The following ATP8A2 variants were observed in gnomAD, a reference collection of about 807,000 sequenced individuals.
ATP8A2 encodes ATPase phospholipid transporting 8A2.
Under a neutral mutation model 165.6 loss-of-function variants are expected in ATP8A2, and 100 were observed. The ratio of observed to expected loss-of-function variants is 0.60; its 90% confidence interval spans 0.51 to 0.71. The LOEUF is 0.71. Among genes scored for constraint, ATP8A2 ranks in the 30% least tolerant of loss-of-function variants. The pLI, the probability that ATP8A2 is intolerant of heterozygous loss-of-function variation, is 0.00. For missense variants in ATP8A2, 1,227 were observed against 1,479.5 expected, an observed-to-expected ratio of 0.83 and a Z score of 2.80; for synonymous variants, 543 against 548.8, an observed-to-expected ratio of 0.99 and a Z score of 0.15.
At position 25,699,351 on chromosome 13, in the gene ATP8A2, A is replaced by G; in HGVS notation, c.2384+6A>G. 1.2e-6 allele frequency: 2 copies of G among 1,604,158 alleles called. No homozygotes were observed. The highest frequency in any genetic ancestry group is 1.7e-6 in the Non-Finnish European group (2 of 1,174,292). On this transcript the variant is annotated splice_donor_region_variant and intron_variant, in intron 25 of 36. Transcript: ENST00000381655. ...AAAGCGGTCATATGCTGCAGGTAGG[A>G]ACCTGCAGGCTGTGCACAGTTCACA...
At chr13:25,942,727 T>G (rs1265770328) in intron 33 of ATP8A2, among the ~76,000 whole-genome samples, 4 of 152,174 alleles carry the variant, frequency 2.6e-5, no homozygotes, top group Admixed American at 1.3e-4. Flanking sequence ...CCCAGCCAAC[T>G]TATCGATTTT....
At chr13:25,960,826 C>T (rs1955642054) in intron 33 of ATP8A2, among the ~76,000 whole-genome samples, 2 of 152,148 alleles carry the variant, frequency 1.3e-5, no homozygotes, top group Admixed American at 1.3e-4. Flanking sequence ...CTATCCCTGA[C>T]CAGCATGCCA....
chr13:25,636,230 G>C (rs964264777), intron 24 of ATP8A2, among the ~76,000 whole-genome samples: 3 of 152,166 alleles, frequency 2.0e-5, no homozygotes, highest in African/African-American at 7.2e-5. Flanking sequence ...ATTCCCTGTA[G>C]CAGGGCCTTT....
At chr13:25,407,304 A>C (rs1238642534) in intron 1 of ATP8A2, among the ~76,000 whole-genome samples, 1 of 152,216 alleles carries the variant, frequency 6.6e-6, no homozygotes, top group Non-Finnish European at 1.5e-5. Flanking sequence ...CTGTACCCAG[A>C]ATCTTGAGGA....
chr13:25,505,313 A>G (rs1246967652), intron 2 of ATP8A2, among the ~76,000 whole-genome samples: 1 of 152,018 alleles, frequency 6.6e-6, no homozygotes, highest in Non-Finnish European at 1.5e-5. Flanking sequence ...TCTTTTCTCA[A>G]AACCACATAA....
intron 33 of ATP8A2, among the ~76,000 whole-genome samples, chr13:25,870,738 A>G (rs1181960932): frequency 6.6e-6 from 1 of 152,164 alleles, no homozygotes; most frequent in Non-Finnish European, 1.5e-5. Flanking sequence ...TACAGTGATG[A>G]TGAACCAGGT....
chr13:25,469,137 C>T lies in ATP8A2; in HGVS notation c.221+16C>T, dbSNP rs1160201215. 1 of 1,612,712 alleles carries T rather than the reference C, an allele frequency of 6.2e-7. No homozygotes were observed. ...ACCAGATCAGGTAGGAGAAGGCGGC[C>T]GGCTCGCGCGGAAGGCGGTGGAGTC... On this transcript the variant is annotated intron_variant, in intron 2 of 36. Coordinates refer to ENST00000381655, the MANE Select transcript of ATP8A2 (RefSeq NM_016529.6).
intron 2 of ATP8A2, among the ~76,000 whole-genome samples, chr13:25,479,881 A>T (rs2036109233): frequency 6.6e-6 from 1 of 151,914 alleles, no homozygotes; most frequent in African/African-American, 2.4e-5. Flanking sequence ...AAAGTCTCCC[A>T]TGTCTACTTC....
intron 35 of ATP8A2, among the ~76,000 whole-genome samples, chr13:25,986,692 A>G (rs774529407): frequency 1.3e-5 from 2 of 152,244 alleles, no homozygotes; most frequent in Non-Finnish European, 2.9e-5. Context: ...TCTTCAACAT[A>G]CTGATGTTGT....
intron 20 of ATP8A2, among the ~76,000 whole-genome samples, chr13:25,578,208 A>C (rs2039670962): frequency 6.6e-6 from 1 of 152,180 alleles, no homozygotes; most frequent in Admixed American, 6.5e-5. Flanking sequence ...TTCTCTCCAA[A>C]ACCAAACTCA....
intron 2 of ATP8A2, chr13:25,517,302 G>A (rs970826566): frequency 6.6e-6 from 1 of 152,002 alleles, no homozygotes. Context: ...AATGATATTA[G>A]CCATAAATAT....
intron 24 of ATP8A2, among the ~76,000 whole-genome samples, chr13:25,640,381 A>G (rs2041486016): frequency 6.6e-6 from 1 of 152,272 alleles, no homozygotes; most frequent in African/African-American, 2.4e-5. Flanking sequence ...AAGAAAAGAG[A>G]GAAGAATAAA....
intron 35 of ATP8A2, among the ~76,000 whole-genome samples, chr13:25,980,169 T>G (rs1376903066): frequency 1.3e-5 from 2 of 152,132 alleles, no homozygotes; most frequent in African/African-American, 4.8e-5. Flanking sequence ...TCCTTCCCGC[T>G]GGGTGTGGGG....
At chr13:25,422,509 C>T (rs1209320193) in intron 1 of ATP8A2, among the ~76,000 whole-genome samples, 3 of 152,200 alleles carry the variant, frequency 2.0e-5, no homozygotes, top group Non-Finnish European at 4.4e-5. Context: ...GCTTTTAGTA[C>T]AGCCTTTTTA....
intron 24 of ATP8A2, among the ~76,000 whole-genome samples, chr13:25,605,418 A>T (rs1842042101): frequency 1.3e-5 from 2 of 152,164 alleles, no homozygotes. Flanking sequence ...CAATTCATTT[A>T]ATGTTGAAAA....
At chr13:25,634,622 A>G (rs747021127) in intron 24 of ATP8A2, among the ~76,000 whole-genome samples, 5 of 152,168 alleles carry the variant, frequency 3.3e-5, no homozygotes, top group South Asian at 4.1e-4. Context: ...GATCTTCACC[A>G]AAGAGTGGAA....
intron 27 of ATP8A2, among the ~76,000 whole-genome samples, chr13:25,813,386 T>TGATATGATAA (rs1450526659): frequency 5.3e-5 from 5 of 94,686 alleles, no homozygotes; most frequent in Admixed American, 1.2e-4. Context: ...TGATGATATA[T>TGATATGATAA]GATATGATAT....
chr13:25,827,816 T>G (rs1951358592), intron 27 of ATP8A2, among the ~76,000 whole-genome samples: 1 of 152,248 alleles, frequency 6.6e-6, no homozygotes, highest in Non-Finnish European at 1.5e-5. Flanking sequence ...ACTCCTCCAG[T>G]CAATGAGAAA....
intron 28 of ATP8A2, among the ~76,000 whole-genome samples, chr13:25,828,841 C>A (rs2138604914): frequency 6.6e-6 from 1 of 152,228 alleles, no homozygotes; most frequent in Middle Eastern, 3.4e-3. Context: ...AGCTTTCTTG[C>A]TTTTTGTTTC....
Sources: gnomAD v4.1 joint callset for allele counts (sites outside exome capture counted in the v4.1 genomes callset) on GRCh38, gnomAD v4.1.1 for gene constraint, MANE v1.5 for transcripts, NCBI Gene and HGNC (gene_info 2026-07-23, HGNC 2026-07-21) for gene names.